Variants in PPP1R9A observed in about 807,000 individuals in gnomAD.
PPP1R9A encodes the protein protein phosphatase 1 regulatory subunit 9A, also known as neurabin-1.
PPP1R9A carries 59 observed loss-of-function variants against 141.9 expected under a neutral mutation model. The observed-to-expected ratio is 0.42, with a 90% confidence interval of 0.34 to 0.52. The LOEUF (loss-of-function observed/expected upper bound fraction) is 0.52, where lower values mean the gene tolerates loss of function less well. Among genes scored for constraint, PPP1R9A ranks in the 20% least tolerant of loss-of-function variants. The probability of loss-of-function intolerance (pLI) is 0.10; values close to 1 mark genes in which losing one functional copy is unlikely to be tolerated. For synonymous variants in PPP1R9A, 500 were observed against 569.7 expected (o/e 0.88, Z 1.74); for missense variants, 1,444 against 1,611.9 (o/e 0.90, Z 1.78).
In PPP1R9A at chr7:95,288,696, A is replaced by G; in HGVS notation, c.3890A>G (p.Gln1297Arg). 6.2e-7 allele frequency: 1 copy of G among 1,613,974 alleles called. No homozygotes were observed. The highest frequency in any genetic ancestry group is 8.5e-7 in the Non-Finnish European group (1 of 1,179,974). ...AACATCACTGGAGAACAGCTCCTGCAGTTGGATGGAAATAAACTTAAGGTA... is the reference window on the plus strand; with the variant it reads ...AACATCACTGGAGAACAGCTCCTGCGGTTGGATGGAAATAAACTTAAGGTA... ...AQNITGEQLL[Q>R]LDGNKLKALG... The change falls in exon 19 of 20, where the codon CAG (glutamine) becomes CGG (arginine). Residue 1297 changes from glutamine to arginine, a missense_variant. Gln to Arg is a conservative substitution (Grantham distance 43). Transcript: ENST00000433360.
intron 12 of PPP1R9A, among the ~76,000 whole-genome samples, 166 bp from the exon 13 acceptor site, chr7:95,268,384 T>C (rs1160681556): frequency 6.6e-6 from 1 of 152,132 alleles, no homozygotes; most frequent in Non-Finnish European, 1.5e-5. Context: ...ATATTTCTCC[T>C]AAGCCCCACT....
chr7:94,923,812 A>T (rs747611677), intron 2 of PPP1R9A, among the ~76,000 whole-genome samples: 3 of 152,178 alleles, frequency 2.0e-5, no homozygotes, highest in Non-Finnish European at 4.4e-5. Context: ...GAGTTTTCTG[A>T]AATTGGAAGT....
chr7:95,051,579 A>G (rs927373114), intron 2 of PPP1R9A, among the ~76,000 whole-genome samples: 1 of 152,182 alleles, frequency 6.6e-6, no homozygotes, highest in Non-Finnish European at 1.5e-5. Context: ...AAAAATTGGC[A>G]TCTTTATACA....
chr7:95,039,995 G>A (rs1362906945), intron 2 of PPP1R9A, among the ~76,000 whole-genome samples: 1 of 152,012 alleles, frequency 6.6e-6, no homozygotes, highest in African/African-American at 2.4e-5. Flanking sequence ...TATTCAAACT[G>A]CCAAAAATCA....
intron 2 of PPP1R9A, among the ~76,000 whole-genome samples, chr7:94,935,931 C>T (rs1244596676): frequency 7.2e-5 from 11 of 152,030 alleles, no homozygotes. Flanking sequence ...AACCATATTG[C>T]TGTAAAATAT....
At chr7:95,213,242 C>G (rs1792513278) in intron 7 of PPP1R9A, among the ~76,000 whole-genome samples, 1 of 151,382 alleles carries the variant, frequency 6.6e-6, no homozygotes, top group African/African-American at 2.4e-5. Flanking sequence ...TTGTTTATCA[C>G]TCATTATTCA....
intron 4 of PPP1R9A, among the ~76,000 whole-genome samples, chr7:95,150,183 A>G (rs1828404749): frequency 6.6e-6 from 1 of 152,022 alleles, no homozygotes; most frequent in African/African-American, 2.4e-5. Flanking sequence ...CTGAAGAAGT[A>G]CCTTACACCC....
intron 4 of PPP1R9A, among the ~76,000 whole-genome samples, chr7:95,145,882 T>G (rs1046848337): frequency 1.3e-5 from 2 of 152,226 alleles, no homozygotes; most frequent in African/African-American, 4.8e-5. Context: ...TTCCACATTT[T>G]CTTTATCCAG....
rs180694036 is a variant in PPP1R9A at position 94,932,487 on chromosome 7, T to G, written c.1395+20979T>G. ...TCAGTGTTTGCTAAGTTTGTTAGAATTGAGGCAGAGTTTTGGAGACCCTTG... is the reference window on the plus strand; with the variant it reads ...TCAGTGTTTGCTAAGTTTGTTAGAAGTGAGGCAGAGTTTTGGAGACCCTTG... On this transcript the variant is annotated intron_variant, in intron 2 of 19. Transcript: ENST00000433360. 4.0e-3 allele frequency among the ~76,000 whole-genome samples: 613 copies of G among 152,310 alleles called. 5 individuals are homozygous for G. Among genetic ancestry groups the G allele is most frequent in the African/African-American group, 0.014 (585 of 41,566 alleles).
chr7:95,108,643 T>C (rs886123062), intron 2 of PPP1R9A, among the ~76,000 whole-genome samples: 2 of 152,126 alleles, frequency 1.3e-5, no homozygotes, highest in Admixed American at 1.3e-4. Context: ...TTATACACAG[T>C]ATCATTTTCC....
At chr7:95,250,983 T>C (rs1333853362) in intron 10 of PPP1R9A, among the ~76,000 whole-genome samples, 1 of 152,214 alleles carries the variant, frequency 6.6e-6, no homozygotes, top group African/African-American at 2.4e-5. Flanking sequence ...GTACCTTTTC[T>C]GGTCTTCCAT....
chr7:94,911,988 A>G (rs1791504203), intron 2 of PPP1R9A, among the ~76,000 whole-genome samples: 1 of 152,194 alleles, frequency 6.6e-6, no homozygotes, highest in Admixed American at 6.5e-5. Context: ...TATTAAGTGT[A>G]AGTGGATTGT....
In PPP1R9A at chr7:95,085,450, C is replaced by CT. The variant is rs529578557; in HGVS notation, c.1396-25808dup. ...TTTTTTTTTTTTTTTGAGTCTTGCTCTGTCACCCAGGCTGAGTACAGTGGC... is the reference window on the plus strand; with the variant it reads ...TTTTTTTTTTTTTTTGAGTCTTGCTCTTGTCACCCAGGCTGAGTACAGTGGC... On this transcript the variant is annotated intron_variant, in intron 2 of 19. Coordinates refer to ENST00000433360, the MANE Select transcript of PPP1R9A (RefSeq NM_001166160.2). Among the ~76,000 whole-genome samples the CT allele has an allele frequency of 1.5e-3, 208 of 134,968 alleles. 3 individuals carry two copies. The highest frequency in any genetic ancestry group is 5.6e-3 in the African/African-American group (200 of 35,852). The allele number at this position is 134,968 out of a possible 152,430, so 88.5% of individuals were successfully genotyped here. A position where few individuals can be genotyped will look rare whatever the true frequency, so the allele number is the denominator to read the frequency against.
intron 8 of PPP1R9A, among the ~76,000 whole-genome samples, chr7:95,234,844 G>T (rs916255828): frequency 5.9e-5 from 9 of 152,076 alleles, no homozygotes; most frequent in Admixed American, 2.0e-4. Context: ...GCAGAATAGA[G>T]AACCCAGAAA....
At chr7:95,087,808 T>C (rs548812210) in intron 2 of PPP1R9A, among the ~76,000 whole-genome samples, 86 of 150,670 alleles carry the variant, frequency 5.7e-4, no homozygotes, top group Non-Finnish European at 9.7e-4. Context: ...AGCAGGAAAA[T>C]CTCTTGATCC....
At position 94,950,194 on chromosome 7, in the gene PPP1R9A, G is replaced by T. The variant is rs533934333; in HGVS notation, c.1395+38686G>T. 1.1e-4 allele frequency among the ~76,000 whole-genome samples: 16 copies of T among 152,130 alleles called. No homozygotes were observed. The South Asian group carries it at 3.3e-3, about 32-fold the overall frequency. On this transcript the variant is annotated intron_variant, in intron 2 of 19. Transcript: ENST00000433360. Reference sequence around the variant, plus strand: ...TTGAGATAGGATGAGTGAGATTTCTGTCATTCTTGGAATATGAAATTTATA... The same window carrying T: ...TTGAGATAGGATGAGTGAGATTTCTTTCATTCTTGGAATATGAAATTTATA...
intron 7 of PPP1R9A, 85 bp from the exon 8 acceptor site, chr7:95,225,872 TCTTA>T (rs1193064230): frequency 8.5e-5 from 118 of 1,390,764 alleles, no homozygotes; most frequent in East Asian, 2.3e-5. Flanking sequence ...TGGGTACATG[TCTTA>T]CTTGTCTTTT....
chr7:94,919,870 C>A (rs898529906), intron 2 of PPP1R9A, among the ~76,000 whole-genome samples: 2 of 152,148 alleles, frequency 1.3e-5, no homozygotes, highest in Admixed American at 6.5e-5. Flanking sequence ...TCAGGTTGGA[C>A]AAGTGTGCCT....
At chr7:95,215,125 C>G (rs531994184) in intron 7 of PPP1R9A, among the ~76,000 whole-genome samples, 1 of 116,194 alleles carries the variant, frequency 8.6e-6, no homozygotes, top group Non-Finnish European at 1.7e-5. Context: ...TCCCCCCTCC[C>G]CCCACCCACA....
Sources: gnomAD v4.1 joint callset for allele counts (sites outside exome capture counted in the v4.1 genomes callset) on GRCh38, gnomAD v4.1.1 for gene constraint, MANE v1.5 for transcripts, NCBI Gene and HGNC (gene_info 2026-07-23, HGNC 2026-07-21) for gene names.